Variants in GCNT1 observed in about 807,000 individuals in gnomAD.
GCNT1 encodes the protein glucosaminyl (N-acetyl) transferase 1.
Under a neutral mutation model 26.2 loss-of-function variants are expected in GCNT1, and 16 were observed. The ratio of observed to expected loss-of-function variants is 0.61; its 90% CI spans 0.41 to 0.93. The LOEUF (loss-of-function observed/expected upper bound fraction) is 0.93, where lower values mean the gene tolerates loss of function less well. Among genes scored for constraint, GCNT1 ranks in the 40% least tolerant of loss-of-function variants. The probability of loss-of-function intolerance (pLI) is 0.00; values close to 1 mark genes in which losing one functional copy is unlikely to be tolerated. For synonymous variants in GCNT1, 183 were observed against 190.8 expected (o/e 0.96, Z 0.34); for missense variants, 477 against 526.7 (o/e 0.91, Z 0.92).
At chr9:76,442,362 G>A (rs1823495104) in intron 1 of GCNT1, 1 of 152,236 alleles carries the variant, frequency 6.6e-6, no homozygotes, top group African/African-American at 2.4e-5. Context: ...GTGTGTGGTA[G>A]TTTGTTACAG....
Position 76,502,286 on chromosome 9 carries a change from C to T in GCNT1, c.-96C>T. The T allele has an allele frequency of 2.7e-6, 2 of 740,570 alleles. No individual in the cohort carries two copies. The highest frequency in any genetic ancestry group is 2.5e-5 in the East Asian group (1 of 40,466). The allele number at this position is 740,570 out of a possible 1,614,324, so 45.9% of individuals were successfully genotyped here. ...CCGTTGCAGCTCTGATAAATGCAAA[C>T]TGACAACCTTCAAGGCCACGACGGA... On this transcript the variant is annotated 5_prime_UTR_variant, in exon 4 of 4. Coordinates refer to ENST00000376730, the MANE Select transcript of GCNT1 (RefSeq NM_001490.5).
chr9:76,418,850 G>T (rs748480830), upstream of GCNT1, among the ~76,000 whole-genome samples: 1 of 152,178 alleles, frequency 6.6e-6, no homozygotes, highest in Admixed American at 6.5e-5. Context: ...TCCAGGTGTG[G>T]TTACATTACT....
intron 2 of GCNT1, among the ~76,000 whole-genome samples, chr9:76,483,730 A>G (rs962908318): frequency 3.3e-5 from 5 of 152,040 alleles, no homozygotes; most frequent in African/African-American, 1.2e-4. Context: ...ACCATTAAGG[A>G]GGGTTTAATT....
chr9:76,450,589 A>G (rs1823649519), intron 1 of GCNT1, among the ~76,000 whole-genome samples: 1 of 152,162 alleles, frequency 6.6e-6, no homozygotes, highest in Non-Finnish European at 1.5e-5. Context: ...ATCTTTTTCA[A>G]CTTTGCCAAT....
rs1564230804 is a variant in GCNT1, at chr9:76,459,254, C to T, written c.-459C>T. ...GGCGCGGGGCGGGAGCTTGGTGGAG[C>T]AGGAGCGGCTGGGCATCCTCCTGAG... On this transcript the variant is annotated 5_prime_UTR_variant, in exon 1 of 4. Transcript: ENST00000376730. The T allele has an allele frequency of 6.6e-6, 1 of 152,628 alleles. No homozygotes were observed. Among genetic ancestry groups the T allele is most frequent in the African/African-American group, 2.4e-5 (1 of 41,468 alleles). The allele number at this position is 152,628 out of a possible 1,614,324, so 9.5% of individuals were successfully genotyped here.
At chr9:76,398,957 G>T in the GCNT1 span, 3 of 1,513,236 alleles carry the variant, frequency 2.0e-6, no homozygotes, top group African/African-American at 4.1e-5. Context: ...CCAGAGGGCT[G>T]TGCTGAAGTT....
chr9:76,493,941 G>C (rs896885569), intron 2 of GCNT1, among the ~76,000 whole-genome samples: 1 of 152,044 alleles, frequency 6.6e-6, no homozygotes, highest in South Asian at 2.1e-4. Flanking sequence ...AAAAAAATAA[G>C]CCACTTCTTT....
In GCNT1 at chr9:76,503,265, ATG is replaced by A; in HGVS notation, c.887_888del (p.Val296GlyfsTer7). Reference sequence around the variant, plus strand: ...GCCTACTTCGTGGTCAGTAGGGAGTATGTGGGGTATGTACTACAGAATGAAAA... The same window carrying A: ...GCCTACTTCGTGGTCAGTAGGGAGTATGGGGTATGTACTACAGAATGAAAA... On this transcript the variant is annotated frameshift_variant, in exon 4 of 4. Coordinates refer to ENST00000376730, the MANE Select transcript of GCNT1 (RefSeq NM_001490.5). LOFTEE classifies it high-confidence loss of function. The A allele has an allele frequency of 6.2e-7, 1 of 1,614,154 alleles. No individual in the cohort carries two copies. The highest frequency in any genetic ancestry group is 8.5e-7 in the Non-Finnish European group (1 of 1,180,018).
In GCNT1 at chr9:76,505,122, T is replaced by G. The variant is rs1018955599; in HGVS notation, c.*1454T>G. On this transcript the variant is annotated 3_prime_UTR_variant, in exon 4 of 4. Coordinates refer to ENST00000376730, the MANE Select transcript of GCNT1 (RefSeq NM_001490.5). ...ACTGTGAGGCTTTGTCATTTAGCAT[T>G]AGACTTTAAACAAGAATTAAAATCA... 1.5e-5 allele frequency: 6 copies of G among 410,936 alleles called. No homozygotes were observed. The South Asian group carries it at 7.1e-4, about 49-fold the overall frequency. The allele number at this position is 410,936 out of a possible 1,614,324, so 25.5% of individuals were successfully genotyped here. A position where few individuals can be genotyped will look rare whatever the true frequency, so the allele number is the denominator to read the frequency against.
chr9:76,449,188 C>T (rs779753861), intron 1 of GCNT1, among the ~76,000 whole-genome samples: 1 of 151,714 alleles, frequency 6.6e-6, no homozygotes, highest in Non-Finnish European at 1.5e-5. Flanking sequence ...AATAAATTAG[C>T]GGGGCGGGGT....
intron 1 of GCNT1, among the ~76,000 whole-genome samples, chr9:76,452,946 C>T (rs767676213): frequency 1.3e-5 from 2 of 152,140 alleles, no homozygotes; most frequent in African/African-American, 2.4e-5. Context: ...TACATCCTCC[C>T]GTGGAATAAA....
At chr9:76,451,382 A>G (rs1431640241) in intron 1 of GCNT1, among the ~76,000 whole-genome samples, 1 of 152,074 alleles carries the variant, frequency 6.6e-6, no homozygotes, top group East Asian at 1.9e-4. Context: ...TAATGATAAA[A>G]GAATATTATT....
chr9:76,464,251 C>T (rs11144917), intron 2 of GCNT1, among the ~76,000 whole-genome samples: 1 of 152,070 alleles, frequency 6.6e-6, no homozygotes, highest in Non-Finnish European at 1.5e-5. Flanking sequence ...GGGTCTCACT[C>T]TGTTGCCCAG....
the GCNT1 span, among the ~76,000 whole-genome samples, chr9:76,407,500 G>A: frequency 1.3e-5 from 2 of 152,018 alleles, no homozygotes; most frequent in Non-Finnish European, 2.9e-5. Context: ...ACTATGTCTT[G>A]ATTACTTTTA....
upstream of GCNT1, among the ~76,000 whole-genome samples, chr9:76,458,847 T>C (rs1291278967): frequency 6.6e-6 from 1 of 152,284 alleles, no homozygotes; most frequent in Non-Finnish European, 1.5e-5. Context: ...AATTTTATTG[T>C]TGTTCTGTAA....
chr9:76,477,072 G>A (rs1038226606), intron 2 of GCNT1, among the ~76,000 whole-genome samples: 13 of 151,914 alleles, frequency 8.6e-5, no homozygotes, highest in East Asian at 4.0e-4. Context: ...GCACCACCAC[G>A]CCTGGCTAAT....
intron 3 of GCNT1, among the ~76,000 whole-genome samples, chr9:76,501,404 A>T (rs1825064680): frequency 6.6e-6 from 1 of 152,244 alleles, no homozygotes; most frequent in Non-Finnish European, 1.5e-5. Context: ...ATATAGATGA[A>T]GGTCTGTCAT....
intron 1 of GCNT1, among the ~76,000 whole-genome samples, chr9:76,443,610 T>C (rs1218106988): frequency 6.6e-6 from 1 of 152,226 alleles, no homozygotes; most frequent in East Asian, 1.9e-4. Context: ...ATGGCTATTA[T>C]GGCCATCATG....
intron 1 of GCNT1, among the ~76,000 whole-genome samples, chr9:76,421,686 GTTGTTTT>G (rs1823198267): frequency 2.4e-5 from 2 of 84,376 alleles, no homozygotes; most frequent in South Asian, 8.2e-4. Flanking sequence ...TTGTTTGTAG[GTTGTTTT>G]TTTTTTTTTT....
Sources: gnomAD v4.1 joint callset for allele counts (sites outside exome capture counted in the v4.1 genomes callset) on GRCh38, gnomAD v4.1.1 for gene constraint, MANE v1.5 for transcripts, NCBI Gene and HGNC (gene_info 2026-07-23, HGNC 2026-07-21) for gene names.